Variants in MYO10 observed in about 807,000 individuals in gnomAD.
MYO10 encodes unconventional myosin-X.
In MYO10, 133 loss-of-function variants were observed where a neutral mutation model predicts 257.3. The ratio of observed to expected loss-of-function variants is 0.52; its 90% confidence interval spans 0.45 to 0.60. The LOEUF is 0.60. MYO10 is among the 20% of genes least tolerant of loss of function. The pLI, the probability that MYO10 is intolerant of heterozygous loss-of-function variation, is 0.00. For missense variants in MYO10, 2,399 were observed against 2,635.7 expected, an observed-to-expected ratio of 0.91 and a Z score of 1.97; for synonymous variants, 1,104 against 1,028.6, an observed-to-expected ratio of 1.07 and a Z score of -1.40.
At position 16,760,626 on chromosome 5, in the gene MYO10, T is replaced by C. The variant is rs543292272; in HGVS notation, c.1739+838A>G. Among the ~76,000 whole-genome samples the C allele has an allele frequency of 2.0e-5, 3 of 152,320 alleles. No individual in the cohort carries two copies. In the South Asian group the frequency reaches 6.2e-4, roughly 32 times the overall value. ...TGAATATGTAATAAATTTATAATTA[T>C]AGCTGAATTAAGGCATTTATTTTAC... On this transcript the variant is annotated intron_variant, in intron 17 of 40. Coordinates refer to ENST00000513610, the MANE Select transcript of MYO10 (RefSeq NM_012334.3).
intron 2 of MYO10, among the ~76,000 whole-genome samples, chr5:16,827,624 G>A (rs962162696): frequency 2.0e-5 from 3 of 152,102 alleles, no homozygotes; most frequent in African/African-American, 7.2e-5. Context: ...CTGCTACTTT[G>A]TTAGATAACT....
Position 16,701,736 on chromosome 5 carries a change from CCTG to C in MYO10, c.2656_2658del (p.Gln886del). The C allele has an allele frequency of 6.2e-7, 1 of 1,614,008 alleles. No individual in the cohort carries two copies. The highest frequency in any genetic ancestry group is 8.5e-7 in the Non-Finnish European group (1 of 1,179,906). On this transcript the variant is annotated inframe_deletion, in exon 25 of 41. Coordinates refer to ENST00000513610, the MANE Select transcript of MYO10 (RefSeq NM_012334.3). The surrounding 1 kb of genome is among the most constrained non-coding windows in gnomAD (Gnocchi z 8.1). ...TTCTCCAGACGGAGGATCTCTTCCA[CCTG>C]CTTATTTTCCTTCTGTTTCTCCAGT...
chr5:16,690,965 T>C (rs1013436180), intron 27 of MYO10, among the ~76,000 whole-genome samples: 4 of 151,948 alleles, frequency 2.6e-5, no homozygotes, highest in Non-Finnish European at 4.4e-5. Flanking sequence ...CTTGCTCTGA[T>C]AACTAAAGAA....
At chr5:16,681,591 G>T in intron 31 of MYO10, 88 bp from the exon 32 acceptor site, 9 of 1,333,516 alleles carry the variant, frequency 6.7e-6, no homozygotes, top group Non-Finnish European at 9.3e-6. Flanking sequence ...TAACACATGG[G>T]TGGGGTTTCT....
intron 2 of MYO10, among the ~76,000 whole-genome samples, chr5:16,860,209 C>T (rs1468496446): frequency 6.6e-6 from 1 of 152,156 alleles, no homozygotes; most frequent in East Asian, 1.9e-4. Flanking sequence ...AAACAAATGT[C>T]TCTGGAGATT....
Position 16,711,258 on chromosome 5 carries a change from A to C in MYO10, c.1930-13T>G, listed in dbSNP as rs777546482. On this transcript the variant is annotated splice_polypyrimidine_tract_variant and intron_variant, in intron 19 of 40. Transcript: ENST00000513610. ...ACTGGTCTGGCATCTAAACCATGCA[A>C]AAAAAAAAGATGGGATACCATTAGA... 4 of 1,231,218 alleles carry C rather than the reference A, an allele frequency of 3.2e-6. No individual in the cohort carries two copies. The Admixed American group carries it at 8.8e-5, about 27-fold the overall frequency. The allele number at this position is 1,231,218 out of a possible 1,614,324, so 76.3% of individuals were successfully genotyped here. A position where few individuals can be genotyped will look rare whatever the true frequency, so the allele number is the denominator to read the frequency against.
At chr5:16,772,352 C>T (rs368598572) in intron 9 of MYO10, among the ~76,000 whole-genome samples, 27 of 152,198 alleles carry the variant, frequency 1.8e-4, no homozygotes, top group Middle Eastern at 3.4e-3. Context: ...AGGCTGGTCT[C>T]GAACTCCCGA....
At chr5:16,823,679 A>G (rs570341525) in intron 2 of MYO10, among the ~76,000 whole-genome samples, 12 of 149,954 alleles carry the variant, frequency 8.0e-5, no homozygotes, top group Admixed American at 2.0e-4. Flanking sequence ...TCACCGTGTT[A>G]GCCAGGATGG....
At chr5:16,883,157 C>A (rs1424578258) in intron 1 of MYO10, among the ~76,000 whole-genome samples, 1 of 152,026 alleles carries the variant, frequency 6.6e-6, no homozygotes, top group Admixed American at 6.6e-5. Context: ...CCTTGTGATC[C>A]ACCCGCCTCG....
rs1400736620 is a variant in MYO10 at position 16,763,517 on chromosome 5, C to A, written c.1458G>T (p.Trp486Cys). 6.2e-7 allele frequency: 1 copy of A among 1,612,304 alleles called. No individual in the cohort carries two copies. Among genetic ancestry groups the A allele is most frequent in the Non-Finnish European group, 8.5e-7 (1 of 1,178,552 alleles). Residue 486 changes from tryptophan to cysteine, a missense_variant, in exon 14 of 41, where the codon TGG (tryptophan) becomes TGT (cysteine). This residue lies in a region of MYO10 where 337 missense variants were observed against 446.8 expected (regional missense o/e 0.75). Transcript: ENST00000513610. The part of the protein sequence containing the change: ...REGLVWEDID[W>C]IDNGECLDLI... ...AGTCCAGGCATTCTCCATTGTCTATCCAGTCAATATCTTCCCACACTAATC... is the reference window on the plus strand; with the variant it reads ...AGTCCAGGCATTCTCCATTGTCTATACAGTCAATATCTTCCCACACTAATC...
rs148543090 is a variant in MYO10, at chr5:16,709,972, T to C, written c.2169+936A>G. On this transcript the variant is annotated intron_variant, in intron 21 of 40. Coordinates refer to ENST00000513610, the MANE Select transcript of MYO10 (RefSeq NM_012334.3). ...TAAGTACTTTTCATCAATCTCACAT[T>C]GGTCAAACTGCAAGACATACGTCTC... Among the ~76,000 whole-genome samples the C allele has an allele frequency of 2.9e-3, 442 of 152,344 alleles. 2 individuals are homozygous for C. Among genetic ancestry groups the C allele is most frequent in the African/African-American group, 9.9e-3 (411 of 41,578 alleles).
intron 1 of MYO10, chr5:16,916,180 G>T (rs541377084): frequency 2.2e-6 from 1 of 455,350 alleles, no homozygotes; most frequent in Non-Finnish European, 4.4e-6. Context: ...CCTTCGTTCC[G>T]CCACGTCAGG....
In MYO10 at chr5:16,670,420, G is replaced by A. The variant is rs2126459836; in HGVS notation, c.5883+106C>T. 3.9e-6 allele frequency: 4 copies of A among 1,022,502 alleles called. No homozygotes were observed. In the East Asian group the frequency reaches 1.0e-4, roughly 26 times the overall value. 63.3% of individuals were successfully genotyped at this position (1,022,502 alleles called of 1,614,324 possible). A position where few individuals can be genotyped will look rare whatever the true frequency, so the allele number is the denominator to read the frequency against. On this transcript the variant is annotated intron_variant, in intron 39 of 40. Transcript: ENST00000513610. The stretch of plus-strand genomic sequence containing the variant: ...GGGGCTCGAATAAAAGAGGTTGAGA[G>A]AGCAAAATGCTCCATCTTGTCTTCT...
At chr5:16,723,658 C>G (rs1247437833) in intron 19 of MYO10, among the ~76,000 whole-genome samples, 1 of 152,192 alleles carries the variant, frequency 6.6e-6, no homozygotes, top group Admixed American at 6.5e-5. Flanking sequence ...CAAAAATCTG[C>G]ACATCAATGT....
intron 19 of MYO10, among the ~76,000 whole-genome samples, chr5:16,734,093 A>G (rs1306782956): frequency 2.0e-5 from 3 of 148,506 alleles, no homozygotes; most frequent in Non-Finnish European, 4.4e-5. Context: ...CACAATGTTA[A>G]AAATAAAAGG....
At chr5:16,767,850 G>A (rs1740921305) in intron 10 of MYO10, among the ~76,000 whole-genome samples, 1 of 151,932 alleles carries the variant, frequency 6.6e-6, no homozygotes, top group Non-Finnish European at 1.5e-5. Flanking sequence ...GCTAATTTTT[G>A]TATTTTTAGT....
chr5:16,893,917 G>A (rs73754031), intron 1 of MYO10, among the ~76,000 whole-genome samples: 4,402 of 152,276 alleles, frequency 0.029, 221 homozygotes, highest in African/African-American at 0.1. Flanking sequence ...GCAGCGAGGA[G>A]TGAGGGTACC....
chr5:16,871,605 TC>T (rs1744457818), intron 2 of MYO10, among the ~76,000 whole-genome samples: 1 of 150,776 alleles, frequency 6.6e-6, no homozygotes, highest in South Asian at 2.1e-4. Context: ...AAATCCTGTC[TC>T]GAAAAAAAAA....
chr5:16,850,055 G>T (rs957191544), intron 2 of MYO10, among the ~76,000 whole-genome samples: 3 of 152,118 alleles, frequency 2.0e-5, no homozygotes, highest in Admixed American at 2.0e-4. Context: ...CTTTAGACCC[G>T]GAATTTCTAT....
Sources: allele counts gnomAD v4.1 joint callset (sites outside exome capture counted in the v4.1 genomes callset), GRCh38; gene constraint gnomAD v4.1.1; regional missense constraint gnomAD v4.1.1; non-coding constraint Gnocchi (gnomAD v3.1); transcripts MANE v1.5; gene names NCBI Gene and HGNC (gene_info 2026-07-23, HGNC 2026-07-21).